Variants in SERPINB3 observed in about 807,000 individuals in gnomAD.
SERPINB3 encodes serpin family B member 3, also known as serpin B3.
A neutral mutation model predicts 33.0 loss-of-function variants in SERPINB3; 33 were observed. The observed-to-expected ratio is 1.00, with a 90% CI of 0.76 to 1.34. The LOEUF (loss-of-function observed/expected upper bound fraction) is 1.34. Ranked by LOEUF, SERPINB3 falls within the 40% of genes most tolerant of loss-of-function variation. The pLI, the probability that SERPINB3 is intolerant of heterozygous loss-of-function variation, is 0.00. For synonymous variants in SERPINB3, 200 were observed against 170.9 expected (o/e 1.17, Z -1.33); for missense variants, 518 against 461.5 (o/e 1.12, Z -1.12).
chr18:63,659,603 T>A (rs1913589237), intron 3 of SERPINB3, 76 bp from the exon 4 acceptor site: 1 of 1,597,262 alleles, frequency 6.3e-7, no homozygotes, highest in African/African-American at 1.3e-5. Context: ...GTCTGTTAGA[T>A]CAGTCCCTAA....
intron 2 of SERPINB3, 79 bp downstream of exon 2, chr18:63,660,973 C>T: frequency 6.2e-7 from 1 of 1,608,436 alleles, no homozygotes; most frequent in Non-Finnish European, 8.5e-7. Flanking sequence ...CAGACCACCA[C>T]ATCTATTACC....
Position 63,661,175 on chromosome 18 carries a change from G to T in SERPINB3, c.42C>A (p.Asp14Glu), listed in dbSNP as rs781685229. Residue 14 changes from aspartate (D) to glutamate (E), a missense_variant, in exon 2 of 8, where the codon GAC becomes GAA. Transcript: ENST00000283752. ...LSEANTKFMF[D>E]LFQQFRKSKE... The stretch of plus-strand genomic sequence containing the variant: ...TTGATTTTCTGAACTGTTGGAACAG[G>T]TCGAACATGAACTTGGTGTTGGCTT... 2 of 1,613,534 alleles carry T rather than the reference G, an allele frequency of 1.2e-6. No homozygotes were observed. Among genetic ancestry groups the T allele is most frequent in the African/African-American group, 1.3e-5 (1 of 75,000 alleles).
At chr18:63,660,956 T>C in intron 2 of SERPINB3, 96 bp downstream of exon 2, 2 of 1,608,090 alleles carry the variant, frequency 1.2e-6, no homozygotes, top group Non-Finnish European at 1.7e-6. Flanking sequence ...CCCCCTGTGC[T>C]ACCCATCAGA....
rs2144491182 is a variant in SERPINB3 at position 63,655,963 on chromosome 18, C to T, written c.867G>A (p.Val289=). ...RVDLHLPRFK[V]EESYDLKDTL... ...TGTCCTTGAGGTCATAGCTCTCTTC[C>T]ACTTTGAACCGAGGTAAGTGTAAAT... Residue 289 remains valine, a synonymous_variant, in exon 8 of 8, where the codon GTG becomes GTA. Coordinates refer to ENST00000283752, the MANE Select transcript of SERPINB3 (RefSeq NM_006919.3). 1 of 1,614,014 alleles carries T rather than the reference C, an allele frequency of 6.2e-7. No individual in the cohort carries two copies. The highest frequency in any genetic ancestry group is 8.5e-7 in the Non-Finnish European group (1 of 1,179,948).
chr18:63,659,519 C>A lies in SERPINB3; in HGVS notation c.231G>T (p.Arg77Ser). The A allele has an allele frequency of 6.2e-7, 1 of 1,613,522 alleles. No individual in the cohort carries two copies. Among genetic ancestry groups the A allele is most frequent in the Non-Finnish European group, 8.5e-7 (1 of 1,179,642 alleles). ...TGKAATYHVD[R>S]SGNVHHQFQK... ...GAAACTGGTGATGAACATTTCCTGA[C>A]CTATCAACCTTCAAACATCAAAAAA... The change falls in exon 4 of 8, where the codon AGG (arginine) becomes AGT (serine). Residue 77 changes from arginine to serine, a missense_variant. By Grantham distance (110) the Arg-to-Ser change is moderately radical. Coordinates refer to ENST00000283752, the MANE Select transcript of SERPINB3 (RefSeq NM_006919.3).
chr18:63,658,380 T>C, intron 5 of SERPINB3, 133 bp downstream of exon 5: 2 of 691,966 alleles, frequency 2.9e-6, no homozygotes, highest in Non-Finnish European at 2.5e-6. Flanking sequence ...AAACTCTTCA[T>C]CTGGAGTGCC....
intron 5 of SERPINB3, 98 bp from the exon 6 acceptor site, chr18:63,657,510 C>T (rs1359258026): frequency 7.7e-6 from 8 of 1,034,396 alleles, no homozygotes; most frequent in Non-Finnish European, 9.5e-6. Flanking sequence ...TAATTATTGA[C>T]CCAAATCCCT....
At position 63,657,376 on chromosome 18, in the gene SERPINB3, C is replaced by T. The variant is rs758687729; in HGVS notation, c.506G>A (p.Gly169Asp). The change falls in exon 6 of 8, where the codon GGC becomes GAC. Residue 169 changes from glycine (G) to aspartate (D), a missense_variant. Physicochemically the swap from Gly to Asp is moderately conservative, Grantham distance 94. Coordinates refer to ENST00000283752, the MANE Select transcript of SERPINB3 (RefSeq NM_006919.3). The stretch of plus-strand genomic sequence containing the variant: ...CACAAGAACCAATGTGGTATTGCTG[C>T]CAATATTACCTTCAGGAATTAGGTT... ...IKNLIPEGNI[G>D]SNTTLVLVNA... is the part of the protein sequence containing the mutation. The T allele has an allele frequency of 1.7e-5, 28 of 1,608,760 alleles. No homozygotes were observed. The highest frequency in any genetic ancestry group is 2.1e-5 in the Non-Finnish European group (25 of 1,177,146).
rs117419154 is a variant in SERPINB3, at chr18:63,660,279, T to C, written c.222+521A>G. On this transcript the variant is annotated intron_variant, in intron 3 of 7. Coordinates refer to ENST00000283752, the MANE Select transcript of SERPINB3 (RefSeq NM_006919.3). ...ATAGCAATCATTTTCCAAAATATAG[T>C]TGGACTTGTGCTTATTCCTCTTTAT... Among the ~76,000 whole-genome samples the C allele has an allele frequency of 7.0e-4, 107 of 152,292 alleles. 3 individuals carry two copies. The East Asian group carries it at 0.02, about 28-fold the overall frequency.
rs777612933 is a variant in SERPINB3 at position 63,661,237 on chromosome 18, G to C, written c.-21C>G. ...TTCATGGTGAACTCGATGTGATCTG[G>C]AACTCCTGGAAAAGCATCAGATTCC... On this transcript the variant is annotated 5_prime_UTR_variant, in exon 2 of 8. Coordinates refer to ENST00000283752, the MANE Select transcript of SERPINB3 (RefSeq NM_006919.3). 26 of 1,607,156 alleles carry C rather than the reference G, an allele frequency of 1.6e-5. No homozygotes were observed. Among genetic ancestry groups the C allele is most frequent in the Non-Finnish European group, 1.9e-5 (22 of 1,177,002 alleles).
chr18:63,656,090 T>C, intron 7 of SERPINB3, 29 bp from the exon 8 acceptor site: 4 of 1,599,924 alleles, frequency 2.5e-6, no homozygotes, highest in Non-Finnish European at 3.4e-6. Context: ...GAAACTGATA[T>C]GACTAACTGT....
chr18:63,658,017 G>A (rs1162432260), intron 5 of SERPINB3, among the ~76,000 whole-genome samples: 1 of 151,758 alleles, frequency 6.6e-6, no homozygotes, highest in African/African-American at 2.4e-5. Flanking sequence ...TGCCCTTGAT[G>A]GGGAAGAGAG....
At chr18:63,661,370 AT>A in intron 1 of SERPINB3, 128 bp from the exon 2 acceptor site, 1 of 1,018,324 alleles carries the variant, frequency 9.8e-7, no homozygotes, top group Non-Finnish European at 1.4e-6. Context: ...TCCTCATCTT[AT>A]TTTTAACGTT....
chr18:63,660,724 G>T (rs780358819), intron 3 of SERPINB3, 76 bp downstream of exon 3: 68 of 1,598,564 alleles, frequency 4.3e-5, no homozygotes, highest in Admixed American at 6.7e-5. Flanking sequence ...CCTTTTCTTA[G>T]TTTCTGTGAA....
Position 63,658,528 on chromosome 18 carries a change from C to A in SERPINB3, c.454G>T (p.Glu152Ter). The A allele has an allele frequency of 6.2e-7, 1 of 1,612,424 alleles. No individual in the cohort carries two copies. Among genetic ancestry groups the A allele is most frequent in the Non-Finnish European group, 8.5e-7 (1 of 1,179,094 alleles). The change falls in exon 5 of 8, where the codon GAA becomes TAA. Residue 152 changes from glutamate (E) to a stop codon, truncating the protein, a stop_gained. Transcript: ENST00000283752. LOFTEE classifies it high-confidence loss of function. ...GCTCTCCTACCATTCGTTTGACTTT[C>A]CACCCAGGAGTTAATCTTCTTTCGA... ...ESRKKINSWVESQTNEKIKNL... is the reference protein window; with the variant it reads ...ESRKKINSWV
chr18:63,658,278 G>A (rs1427547156), intron 5 of SERPINB3, among the ~76,000 whole-genome samples: 1 of 152,116 alleles, frequency 6.6e-6, no homozygotes, highest in Non-Finnish European at 1.5e-5. Context: ...CCAGGAACAT[G>A]AGCAAAGAAT....
At position 63,661,830 on chromosome 18, in the gene SERPINB3, G is replaced by A. The variant is rs552206133; in HGVS notation, c.-27+16C>T. 1 of 152,722 alleles carries A rather than the reference G, an allele frequency of 6.5e-6. No homozygotes were observed. Among genetic ancestry groups the A allele is most frequent in the African/African-American group, 2.4e-5 (1 of 41,484 alleles). 9.5% of individuals were successfully genotyped at this position (152,722 alleles called of 1,614,324 possible). A position where few individuals can be genotyped will look rare whatever the true frequency, so the allele number is the denominator to read the frequency against. ...ATAATTCATGTTATTAAGCTGGAGA[G>A]GCTTGAAGCTCTTACCTGTGTTCCT... On this transcript the variant is annotated intron_variant, in intron 1 of 7. Coordinates refer to ENST00000283752, the MANE Select transcript of SERPINB3 (RefSeq NM_006919.3).
intron 5 of SERPINB3, 82 bp from the exon 6 acceptor site, chr18:63,657,494 G>A: frequency 2.5e-6 from 3 of 1,205,420 alleles, no homozygotes; most frequent in Non-Finnish European, 3.4e-6. Context: ...GTTCGTGACT[G>A]ATCGTTAATT....
At position 63,658,586 on chromosome 18, in the gene SERPINB3, T is replaced by C. The variant is rs1297512697; in HGVS notation, c.396A>G (p.Glu132=). The part of the protein sequence containing the change: ...AIKKFYQTSV[E]SVDFANAPEE... ...CTGGAGCATTTGCAAAATCAACAGA[T>C]TCCACACTGGTCTGGTAAAATTTCT... Residue 132 remains glutamate, a synonymous_variant, in exon 5 of 8, where the codon GAA becomes GAG. Coordinates refer to ENST00000283752, the MANE Select transcript of SERPINB3 (RefSeq NM_006919.3). 21 of 1,613,050 alleles carry C rather than the reference T, an allele frequency of 1.3e-5. No homozygotes were observed. The highest frequency in any genetic ancestry group is 1.8e-5 in the Non-Finnish European group (21 of 1,179,384).
Sources: allele counts gnomAD v4.1 joint callset (sites outside exome capture counted in the v4.1 genomes callset), GRCh38; gene constraint gnomAD v4.1.1; transcripts MANE v1.5; gene names NCBI Gene and HGNC (gene_info 2026-07-23, HGNC 2026-07-21).